UCHL5: variants seen among roughly 807,000 people sequenced by gnomAD.
The protein encoded by UCHL5 is ubiquitin carboxyl-terminal hydrolase isozyme L5.
Under a neutral mutation model 53.8 loss-of-function variants are expected in UCHL5, and 34 were observed. The observed-to-expected ratio is 0.63, with a 90% CI of 0.48 to 0.84. The LOEUF is 0.84. Ranked by LOEUF, UCHL5 falls within the 40% of genes least tolerant of loss-of-function variation. The pLI is 0.00. For missense variants in UCHL5, 290 were observed against 385.6 expected, an observed-to-expected ratio of 0.75 and a Z score of 2.08; for synonymous variants, 111 against 126.3, an observed-to-expected ratio of 0.88 and a Z score of 0.81.
At chr1:193,034,954 C>A (rs1662824009) in intron 3 of UCHL5, among the ~76,000 whole-genome samples, 1 of 151,812 alleles carries the variant, frequency 6.6e-6, no homozygotes, top group Non-Finnish European at 1.5e-5. Context: ...CTGGAGTAAA[C>A]ATCATCCTAA....
chr1:193,048,539 C>T (rs1210379405), intron 3 of UCHL5, among the ~76,000 whole-genome samples: 4 of 152,190 alleles, frequency 2.6e-5, no homozygotes, highest in Admixed American at 6.5e-5. Context: ...TACAACTAAC[C>T]TTTGAGAAAG....
intron 1 of UCHL5, among the ~76,000 whole-genome samples, chr1:193,055,183 A>G (rs562042306): frequency 2.6e-5 from 4 of 152,322 alleles, no homozygotes; most frequent in African/African-American, 9.6e-5. Flanking sequence ...GCTCTGGACC[A>G]TCTTTTCAAG....
rs1276580630 is a variant in UCHL5 at position 193,018,736 on chromosome 1, T to C, written c.943-2341A>G. 5.4e-6 allele frequency: 8 copies of C among 1,479,920 alleles called. No homozygotes were observed. In the African/African-American group the frequency reaches 7.1e-5, roughly 13 times the overall value. 91.7% of individuals were successfully genotyped at this position (1,479,920 alleles called of 1,614,324 possible). On this transcript the variant is annotated intron_variant, in intron 10 of 10. Coordinates refer to ENST00000367454, the MANE Select transcript of UCHL5 (RefSeq NM_001199261.3). ...TCTCATCCTGTAGAATCTCAGCATA[T>C]AGTAGCACTGCATGGTGCAGCCATA...
At chr1:193,032,932 G>A (rs972498831) in intron 3 of UCHL5, among the ~76,000 whole-genome samples, 7 of 152,216 alleles carry the variant, frequency 4.6e-5, no homozygotes, top group Non-Finnish European at 1.0e-4. Flanking sequence ...GTTGGTGGGA[G>A]TGTAAATTTG....
intron 3 of UCHL5, among the ~76,000 whole-genome samples, chr1:193,034,809 T>C (rs2102552607): frequency 6.6e-6 from 1 of 152,072 alleles, no homozygotes; most frequent in South Asian, 2.1e-4. Flanking sequence ...CGAACATAAT[T>C]AACTGCATTA....
chr1:193,037,890 T>TA (rs71111446), intron 3 of UCHL5, among the ~76,000 whole-genome samples: 94,883 of 118,764 alleles, frequency 0.8, 38,565 homozygotes, highest in East Asian at 0.98. Flanking sequence ...CTTAAAGTAT[T>TA]AAAAAAAAAA....
chr1:193,019,918 TTA>T, intron 10 of UCHL5: 2 of 973,994 alleles, frequency 2.1e-6, no homozygotes, highest in Non-Finnish European at 2.4e-6. Context: ...TTAGCACATT[TTA>T]TAGTTATTTT....
At chr1:193,037,512 G>A (rs1467963922) in intron 3 of UCHL5, among the ~76,000 whole-genome samples, 3 of 152,012 alleles carry the variant, frequency 2.0e-5, no homozygotes, top group African/African-American at 7.2e-5. Context: ...GCAAAGCCCA[G>A]GATGTGACAA....
intron 8 of UCHL5, 74 bp downstream of exon 8, chr1:193,023,770 T>C (rs545173845): frequency 2.7e-6 from 3 of 1,112,692 alleles, no homozygotes; most frequent in Admixed American, 4.8e-5. Context: ...TGATTATATA[T>C]ATATTTAAAG....
intron 3 of UCHL5, among the ~76,000 whole-genome samples, chr1:193,031,380 A>G (rs937289389): frequency 6.6e-6 from 1 of 152,194 alleles, no homozygotes; most frequent in Non-Finnish European, 1.5e-5. Context: ...AAACATTTCT[A>G]TAATCTAAGG....
At position 193,023,084 on chromosome 1, in the gene UCHL5, T is replaced by C. The variant is rs749366829; in HGVS notation, c.733-48A>G. On this transcript the variant is annotated intron_variant, in intron 8 of 10. Transcript: ENST00000367454. ...ATAGCACACCCTAATAATTGAGGCT[T>C]ACATTCAGAATATTTTAAAATGATA... 6 of 1,307,052 alleles carry C rather than the reference T, an allele frequency of 4.6e-6. No individual in the cohort carries two copies. In the South Asian group the frequency reaches 7.5e-5, roughly 16 times the overall value. The allele number at this position is 1,307,052 out of a possible 1,614,324, so 81.0% of individuals were successfully genotyped here. A position where few individuals can be genotyped will look rare whatever the true frequency, so the allele number is the denominator to read the frequency against.
chr1:193,037,048 A>C (rs1404048963), intron 3 of UCHL5, among the ~76,000 whole-genome samples: 3 of 152,018 alleles, frequency 2.0e-5, no homozygotes, highest in Non-Finnish European at 2.9e-5. Context: ...AAAAGTAGAA[A>C]GACTCCAAAT....
chr1:193,029,071 C>T (rs369983015), intron 6 of UCHL5, 108 bp downstream of exon 6: 3 of 1,334,934 alleles, frequency 2.2e-6, no homozygotes, highest in South Asian at 1.4e-5. Flanking sequence ...ATTATGTTAC[C>T]TCATAGTCAC....
intron 3 of UCHL5, among the ~76,000 whole-genome samples, chr1:193,041,265 T>C (rs951262627): frequency 3.9e-5 from 6 of 152,196 alleles, no homozygotes; most frequent in Non-Finnish European, 5.9e-5. Context: ...TATGTACATC[T>C]ACTATGTATC....
Position 193,029,303 on chromosome 1 carries a change from T to C in UCHL5, c.441A>G (p.Gln147=), listed in dbSNP as rs150781158. ...ATGTCTTCGTATCAAATTCAAACAT[T>C]TGCTGTCTACAGTAAATAAAAAAAT... ...RQVHNSFARQ[Q]MFEFDTKTSA... is the part of the protein sequence containing the mutation. The change falls in exon 6 of 11, where the codon CAA becomes CAG. Residue 147 remains glutamine, a synonymous_variant. Transcript: ENST00000367454. 2.1e-5 allele frequency: 34 copies of C among 1,613,646 alleles called. No individual in the cohort carries two copies. The African/African-American group carries it at 4.0e-4, about 19-fold the overall frequency.
chr1:193,057,015 G>A (rs906742684), intron 1 of UCHL5, among the ~76,000 whole-genome samples: 5 of 152,128 alleles, frequency 3.3e-5, no homozygotes, highest in Non-Finnish European at 7.4e-5. Context: ...TGAAATTGAA[G>A]GAGTAAAAAC....
chr1:193,059,937 C>T (rs771158730), upstream of UCHL5: 19 of 1,366,338 alleles, frequency 1.4e-5, no homozygotes, highest in Admixed American at 2.9e-4. The surrounding 1 kb of genome is among the most constrained non-coding windows in gnomAD (Gnocchi z 4.9). Flanking sequence ...CGCGCCTGTC[C>T]ACCCTGGGTA....
At chr1:193,043,767 G>A (rs1427784804) in intron 3 of UCHL5, among the ~76,000 whole-genome samples, 2 of 152,138 alleles carry the variant, frequency 1.3e-5, no homozygotes, top group African/African-American at 4.8e-5. Context: ...ACCAAGAATC[G>A]GAGGGGGTTC....
intron 1 of UCHL5, among the ~76,000 whole-genome samples, chr1:193,057,038 TACA>T (rs1056669810): frequency 2.6e-5 from 4 of 152,366 alleles, no homozygotes; most frequent in East Asian, 1.9e-4. Flanking sequence ...ACTTACCTAG[TACA>T]ACATTTCTGA....
Sources: allele counts gnomAD v4.1 joint callset (sites outside exome capture counted in the v4.1 genomes callset), GRCh38; gene constraint gnomAD v4.1.1; non-coding constraint Gnocchi (gnomAD v3.1); transcripts MANE v1.5; gene names NCBI Gene and HGNC (gene_info 2026-07-23, HGNC 2026-07-21).